The following PCDHGB6 variants were observed in gnomAD, a reference collection of about 807,000 sequenced individuals.
The protein encoded by PCDHGB6 is protocadherin gamma subfamily B, 6, also known as protocadherin gamma-B6.
A neutral mutation model predicts 59.1 loss-of-function variants in PCDHGB6; 51 were observed. The observed-to-expected ratio is 0.86, with a 90% confidence interval of 0.69 to 1.09. PCDHGB6 has a LOEUF of 1.09. Ranked by LOEUF, PCDHGB6 falls within the 50% of genes least tolerant of loss-of-function variation. PCDHGB6 has a pLI of 0.00. For missense variants in PCDHGB6, 1,148 were observed against 1,205.1 expected, an observed-to-expected ratio of 0.95 and a Z score of 0.70; for synonymous variants, 466 against 495.1, an observed-to-expected ratio of 0.94 and a Z score of 0.78.
At chr5:141,503,598 C>CAAA (rs765754054) in intron 2 of PCDHGB6, among the ~76,000 whole-genome samples, 1 of 65,748 alleles carries the variant, frequency 1.5e-5, no homozygotes. Context: ...GACTCCAGCT[C>CAAA]AAAAAAAAAA....
At chr5:141,475,979 C>A in intron 1 of PCDHGB6, 1 of 1,020,182 alleles carries the variant, frequency 9.8e-7, no homozygotes, top group Non-Finnish European at 1.4e-6. Flanking sequence ...GACTGAACAG[C>A]CGGCGAGCAA....
chr5:141,421,277 T>C (rs761435958), intron 1 of PCDHGB6: 2 of 1,612,826 alleles, frequency 1.2e-6, no homozygotes, highest in Non-Finnish European at 1.7e-6. Flanking sequence ...CTGCTGCTGC[T>C]GTGCATTTTC....
At chr5:141,423,192 C>T in intron 1 of PCDHGB6, 2 of 1,613,622 alleles carry the variant, frequency 1.2e-6, no homozygotes, top group African/African-American at 2.7e-5. Context: ...AGCCCCCTCT[C>T]TCGGCCACCG....
chr5:141,418,429 A>T (rs765952024), intron 1 of PCDHGB6: 2 of 1,613,854 alleles, frequency 1.2e-6, no homozygotes, highest in African/African-American at 2.7e-5. Context: ...ATGGTGGCAA[A>T]TATCCAGAAT....
intron 1 of PCDHGB6, among the ~76,000 whole-genome samples, chr5:141,438,674 A>C (rs894070572): frequency 1.9e-4 from 25 of 134,850 alleles, no homozygotes; most frequent in Non-Finnish European, 3.1e-4. Context: ...ATATATTTGG[A>C]GTAGGGGATG....
intron 1 of PCDHGB6, chr5:141,413,845 C>G: frequency 6.2e-7 from 1 of 1,613,242 alleles, no homozygotes. Flanking sequence ...CGGGGGTGAC[C>G]CTCTCCGATC....
In PCDHGB6 at chr5:141,419,703, G is replaced by C. The variant is rs2096418539; in HGVS notation, c.2418+9083G>C. 1 of 1,612,946 alleles carries C rather than the reference G, an allele frequency of 6.2e-7. No individual in the cohort carries two copies. The highest frequency in any genetic ancestry group is 1.3e-5 in the African/African-American group (1 of 74,946). The stretch of plus-strand genomic sequence containing the variant: ...CACGTGGTGCAGGCCAGTGAGCCCG[G>C]GCTCTTCAGCCTGGGGCTGCGAACA... On this transcript the variant is annotated intron_variant, in intron 1 of 3. Coordinates refer to ENST00000520790, the MANE Select transcript of PCDHGB6 (RefSeq NM_018926.3).
At chr5:141,455,860 ATTATTTAT>A (rs145569377) in intron 1 of PCDHGB6, among the ~76,000 whole-genome samples, 26,605 of 139,696 alleles carry the variant, frequency 0.19, 2,610 homozygotes, top group Middle Eastern at 0.23. Context: ...AATTTCTTTT[ATTATTTAT>A]TTATTTATTT....
Position 141,486,515 on chromosome 5 carries a change from G to A in PCDHGB6, c.2419-8292G>A. ...AACTATTTTCCTCAATATTTCAGAT[G>A]TGAATGATAATCCACCCTCTTTCTT... On this transcript the variant is annotated intron_variant, in intron 1 of 3. Transcript: ENST00000520790. This position sits in a 1 kb window ranked among gnomAD's most constrained non-coding sequence, Gnocchi z 5.0. 1 of 1,614,172 alleles carries A rather than the reference G, an allele frequency of 6.2e-7. No individual in the cohort carries two copies. The highest frequency in any genetic ancestry group is 8.5e-7 in the Non-Finnish European group (1 of 1,180,026).
chr5:141,433,508 A>G (rs2097615565), intron 1 of PCDHGB6, among the ~76,000 whole-genome samples: 1 of 152,068 alleles, frequency 6.6e-6, no homozygotes, highest in Non-Finnish European at 1.5e-5. Context: ...TGCTGGGATT[A>G]CAGGCGTGAA....
rs1562131721 is a variant in PCDHGB6, at chr5:141,489,636, C to CGAGA, written c.2419-5171_2419-5170insGAGA. 10 of 1,614,074 alleles carry CGAGA rather than the reference C, an allele frequency of 6.2e-6. No individual in the cohort carries two copies. The highest frequency in any genetic ancestry group is 2.7e-5 in the African/African-American group (2 of 74,930). On this transcript the variant is annotated intron_variant, in intron 1 of 3. Coordinates refer to ENST00000520790, the MANE Select transcript of PCDHGB6 (RefSeq NM_018926.3). This position sits in a 1 kb window ranked among gnomAD's most constrained non-coding sequence, Gnocchi z 4.5. ...TGGATCTCAATGACAACTCTCCTAG[C>CGAGA]TTTGCCACCCCTGAGCGAGAGATGC...
Position 141,487,193 on chromosome 5 carries a change from C to T in PCDHGB6, c.2419-7614C>T. 6.2e-7 allele frequency: 1 copy of T among 1,613,784 alleles called. No individual in the cohort carries two copies. Among genetic ancestry groups the T allele is most frequent in the Non-Finnish European group, 8.5e-7 (1 of 1,179,724 alleles). On this transcript the variant is annotated intron_variant, in intron 1 of 3. Transcript: ENST00000520790. The surrounding 1 kb of genome is among the most constrained non-coding windows in gnomAD (Gnocchi z 5.0). ...AGAGGAAGACACTCATCCAGTTGTC[C>T]CAGATCTTCGAGAATCTTCAGCTCC...
Position 141,432,044 on chromosome 5 carries a change from A to T in PCDHGB6, c.2418+21424A>T. 6.2e-7 allele frequency: 1 copy of T among 1,613,886 alleles called. No individual in the cohort carries two copies. Among genetic ancestry groups the T allele is most frequent in the Non-Finnish European group, 8.5e-7 (1 of 1,179,922 alleles). ...CACAGTGACCGCCACTGACCGGGGA[A>T]CCCCGCCCCTATCCACGGAAACTCA... On this transcript the variant is annotated intron_variant, in intron 1 of 3. Coordinates refer to ENST00000520790, the MANE Select transcript of PCDHGB6 (RefSeq NM_018926.3). This position sits in a 1 kb window ranked among gnomAD's most constrained non-coding sequence, Gnocchi z 6.0.
Position 141,490,693 on chromosome 5 carries a change from G to C in PCDHGB6, c.2419-4114G>C. 2 of 1,614,170 alleles carry C rather than the reference G, an allele frequency of 1.2e-6. No homozygotes were observed. Among genetic ancestry groups the C allele is most frequent in the Non-Finnish European group, 1.7e-6 (2 of 1,180,018 alleles). ...GGCTGCCTCAGATCCAGACACTGGG[G>C]ATAATGCCCGCCTCACCTACTCCAT... is the stretch of plus-strand genomic sequence containing the variant. On this transcript the variant is annotated intron_variant, in intron 1 of 3. Coordinates refer to ENST00000520790, the MANE Select transcript of PCDHGB6 (RefSeq NM_018926.3). This position sits in a 1 kb window ranked among gnomAD's most constrained non-coding sequence, Gnocchi z 5.4.
chr5:141,423,170 A>T (rs755141371), intron 1 of PCDHGB6: 1 of 1,613,504 alleles, frequency 6.2e-7, no homozygotes, highest in South Asian at 1.1e-5. Flanking sequence ...GTGGCCGTCC[A>T]GGACCACGGC....
chr5:141,503,665 C>A (rs1210514896), intron 2 of PCDHGB6, among the ~76,000 whole-genome samples: 2 of 151,792 alleles, frequency 1.3e-5, no homozygotes, highest in African/African-American at 4.8e-5. Flanking sequence ...AATTACAACT[C>A]TTCCCACTTT....
intron 2 of PCDHGB6, among the ~76,000 whole-genome samples, chr5:141,496,775 GCAGGGCC>G (rs1025427712): frequency 6.6e-6 from 1 of 152,038 alleles, no homozygotes; most frequent in Non-Finnish European, 1.5e-5. Flanking sequence ...TCTACTATGA[GCAGGGCC>G]CTGTGCTAAA....
chr5:141,442,981 C>T (rs2098357132), intron 1 of PCDHGB6, among the ~76,000 whole-genome samples: 1 of 152,142 alleles, frequency 6.6e-6, no homozygotes, highest in African/African-American at 2.4e-5. Flanking sequence ...ATAAAGTTAG[C>T]CTATAATTTC....
chr5:141,490,891 C>A lies in PCDHGB6; in HGVS notation c.2419-3916C>A, dbSNP rs1462296497. The A allele has an allele frequency of 6.2e-7, 1 of 1,613,204 alleles. No homozygotes were observed. Among genetic ancestry groups the A allele is most frequent in the Non-Finnish European group, 8.5e-7 (1 of 1,179,262 alleles). On this transcript the variant is annotated intron_variant, in intron 1 of 3. Transcript: ENST00000520790. This position sits in a 1 kb window ranked among gnomAD's most constrained non-coding sequence, Gnocchi z 5.4. ...CCCATTGCATGCCAACACATCTCTGCATGTGTTTGTCCTAGACGAGAATGA... is the reference window on the plus strand; with the variant it reads ...CCCATTGCATGCCAACACATCTCTGAATGTGTTTGTCCTAGACGAGAATGA...
Sources: gnomAD v4.1 joint callset for allele counts (sites outside exome capture counted in the v4.1 genomes callset) on GRCh38, gnomAD v4.1.1 for gene constraint, Gnocchi (gnomAD v3.1) non-coding constraint, MANE v1.5 for transcripts, NCBI Gene and HGNC (gene_info 2026-07-23, HGNC 2026-07-21) for gene names.